The following SDHAF3 variants were observed in gnomAD, a reference collection of about 807,000 sequenced individuals.
The protein encoded by SDHAF3 is succinate dehydrogenase assembly factor 3, mitochondrial.
In SDHAF3, 18 loss-of-function variants were observed where a neutral mutation model predicts 11.5. That is an observed-to-expected ratio of 1.56 (90% CI 1.08 to 2.32). The LOEUF (loss-of-function observed/expected upper bound fraction) is 2.32, where lower values mean the gene tolerates loss of function less well. Among genes scored for constraint, SDHAF3 ranks in the 30% most tolerant of loss-of-function variants. The pLI is 0.00. For missense variants in SDHAF3, 200 were observed against 154.4 expected, an observed-to-expected ratio of 1.30 and a Z score of -1.57; for synonymous variants, 72 against 59.3, an observed-to-expected ratio of 1.21 and a Z score of -0.99.
chr7:97,162,939 T>C (rs1789436486), intron 1 of SDHAF3, among the ~76,000 whole-genome samples: 1 of 152,152 alleles, frequency 6.6e-6, no homozygotes, highest in South Asian at 2.1e-4. Context: ...AACTCCTGAA[T>C]ATCCTTGTTT....
At chr7:97,121,145 A>G (rs1257934634) in intron 1 of SDHAF3, among the ~76,000 whole-genome samples, 1 of 152,226 alleles carries the variant, frequency 6.6e-6, no homozygotes, top group African/African-American at 2.4e-5. Context: ...GGAGGTAACT[A>G]TTAGAAGTGA....
Position 97,142,115 on chromosome 7 carries a change from G to A in SDHAF3, c.174+24218G>A, listed in dbSNP as rs139460297. On this transcript the variant is annotated intron_variant, in intron 1 of 1. Transcript: ENST00000432641. ...GTTGCCTGGGCTGGAGTGCAGTGGT[G>A]TGATCGTGGCTCACTCCAACCTCTG... is the stretch of plus-strand genomic sequence containing the variant. Among the ~76,000 whole-genome samples the A allele has an allele frequency of 5.3e-3, 702 of 132,052 alleles. 8 individuals carry two copies. Among genetic ancestry groups the A allele is most frequent in the African/African-American group, 0.019 (665 of 35,656 alleles). The allele number at this position is 132,052 out of a possible 152,430, so 86.6% of individuals were successfully genotyped here.
rs929239731 is a variant in SDHAF3 at position 97,141,564 on chromosome 7, C to T, written c.174+23667C>T. Reference sequence around the variant, plus strand: ...CATGAAATATCGGGGGTGAATTTCCCCCGATATCTGGCGCCCGATGTGGGG... The same window carrying T: ...CATGAAATATCGGGGGTGAATTTCCTCCGATATCTGGCGCCCGATGTGGGG... On this transcript the variant is annotated intron_variant, in intron 1 of 1. Transcript: ENST00000432641. 7.9e-5 allele frequency among the ~76,000 whole-genome samples: 12 copies of T among 152,122 alleles called. No individual in the cohort carries two copies. In the East Asian group the frequency reaches 1.7e-3, roughly 22 times the overall value.
chr7:97,173,831 C>T (rs184191694), intron 1 of SDHAF3, among the ~76,000 whole-genome samples: 34 of 152,214 alleles, frequency 2.2e-4, no homozygotes, highest in African/African-American at 6.7e-4. Context: ...GGATTACAGG[C>T]GTGAGCCACC....
At chr7:97,153,511 C>T (rs761655329) in intron 1 of SDHAF3, among the ~76,000 whole-genome samples, 3 of 152,152 alleles carry the variant, frequency 2.0e-5, no homozygotes, top group African/African-American at 7.2e-5. Context: ...CAGTAAACAT[C>T]CGTTTGCAGG....
chr7:97,173,436 T>C (rs932785793), intron 1 of SDHAF3, among the ~76,000 whole-genome samples: 2 of 152,196 alleles, frequency 1.3e-5, no homozygotes, highest in Non-Finnish European at 2.9e-5. Flanking sequence ...CCCCCACTTA[T>C]TTCTCTTTCT....
intron 1 of SDHAF3, among the ~76,000 whole-genome samples, chr7:97,131,101 G>A (rs1034694223): frequency 2.6e-5 from 4 of 152,154 alleles, no homozygotes; most frequent in African/African-American, 9.7e-5. Flanking sequence ...GGACAAAAAT[G>A]TTGTGTTCTT....
chr7:97,139,827 G>A (rs773235297), intron 1 of SDHAF3, among the ~76,000 whole-genome samples: 11 of 152,180 alleles, frequency 7.2e-5, no homozygotes, highest in Non-Finnish European at 1.6e-4. Context: ...GCCAAATCCT[G>A]TTGACTGTTT....
chr7:97,121,215 C>T (rs1228016627), intron 1 of SDHAF3, among the ~76,000 whole-genome samples: 1 of 152,170 alleles, frequency 6.6e-6, no homozygotes, highest in East Asian at 1.9e-4. Flanking sequence ...TGACTGTGCT[C>T]ATTTTTGAGG....
chr7:97,142,393 T>G (rs1255727397), intron 1 of SDHAF3, among the ~76,000 whole-genome samples: 1 of 152,122 alleles, frequency 6.6e-6, no homozygotes, highest in African/African-American at 2.4e-5. Flanking sequence ...GTAAACAAAG[T>G]CTTAAATTCT....
intron 1 of SDHAF3, among the ~76,000 whole-genome samples, chr7:97,152,589 G>A (rs1183592509): frequency 2.6e-5 from 4 of 152,140 alleles, no homozygotes; most frequent in Non-Finnish European, 5.9e-5. Context: ...CAATTGAGGA[G>A]GTTAGGAAGT....
intron 1 of SDHAF3, among the ~76,000 whole-genome samples, chr7:97,172,184 C>T (rs771037071): frequency 1.3e-5 from 2 of 152,116 alleles, no homozygotes; most frequent in Non-Finnish European, 2.9e-5. Flanking sequence ...ATTCAAATAG[C>T]ATATATCCAT....
chr7:97,166,362 T>C (rs1343622283), intron 1 of SDHAF3, among the ~76,000 whole-genome samples: 1 of 152,048 alleles, frequency 6.6e-6, no homozygotes, highest in Non-Finnish European at 1.5e-5. Context: ...AGAACTCAAA[T>C]TGGGGAGGGT....
At chr7:97,136,246 G>T in intron 1 of SDHAF3, 1 of 434,028 alleles carries the variant, frequency 2.3e-6, no homozygotes, top group Non-Finnish European at 4.1e-6. Flanking sequence ...GATTTTTTTT[G>T]AAACATAACT....
chr7:97,138,709 T>C (rs147374145), intron 1 of SDHAF3, among the ~76,000 whole-genome samples: 2 of 152,308 alleles, frequency 1.3e-5, no homozygotes, highest in East Asian at 1.9e-4. Context: ...TTAAATAAGA[T>C]AGTATATGCA....
intron 1 of SDHAF3, among the ~76,000 whole-genome samples, chr7:97,172,433 T>G (rs1055664989): frequency 1.3e-5 from 2 of 152,166 alleles, no homozygotes; most frequent in Non-Finnish European, 2.9e-5. Context: ...TCCATTGTTT[T>G]CTTGGTTCTT....
intron 1 of SDHAF3, among the ~76,000 whole-genome samples, chr7:97,121,394 T>C (rs1157422917): frequency 6.6e-6 from 1 of 152,220 alleles, no homozygotes; most frequent in Non-Finnish European, 1.5e-5. Context: ...ACTTCATTTA[T>C]TTTTCTTTTT....
chr7:97,120,208 A>C (rs546851574), intron 1 of SDHAF3, among the ~76,000 whole-genome samples: 1 of 152,240 alleles, frequency 6.6e-6, no homozygotes, highest in South Asian at 2.1e-4. Context: ...GTCTTCCCCG[A>C]CCATTGTTGA....
chr7:97,118,041 C>A (rs150366972), intron 1 of SDHAF3, 144 bp downstream of exon 1: 1 of 1,017,808 alleles, frequency 9.8e-7, no homozygotes, highest in Non-Finnish European at 1.4e-6. Flanking sequence ...GTAACACTTT[C>A]CAAAGTTTCT....
Sources: allele counts gnomAD v4.1 joint callset (sites outside exome capture counted in the v4.1 genomes callset), GRCh38; gene constraint gnomAD v4.1.1; transcripts MANE v1.5; gene names NCBI Gene and HGNC (gene_info 2026-07-23, HGNC 2026-07-21).